The following ZCCHC7 variants were observed in gnomAD, a reference collection of about 807,000 sequenced individuals.
ZCCHC7 encodes zinc finger CCHC domain-containing protein 7.
In ZCCHC7, 35 loss-of-function variants were observed where a neutral mutation model predicts 52.0. That is an observed-to-expected ratio of 0.67 (90% confidence interval 0.51 to 0.89). The LOEUF (loss-of-function observed/expected upper bound fraction) is 0.89. ZCCHC7 is among the 40% of genes least tolerant of loss of function. ZCCHC7 has a pLI of 0.00. For synonymous variants in ZCCHC7, 217 were observed against 221.5 expected (o/e 0.98, Z 0.18); for missense variants, 574 against 649.1 (o/e 0.88, Z 1.26).
intron 2 of ZCCHC7, among the ~76,000 whole-genome samples, chr9:37,289,349 C>T (rs919123832): frequency 4.6e-5 from 7 of 151,984 alleles, no homozygotes; most frequent in African/African-American, 1.7e-4. Context: ...CAGTGTTTCA[C>T]CATGTTGGCC....
chr9:37,124,920 C>T, intron 1 of ZCCHC7, among the ~76,000 whole-genome samples: 1 of 152,194 alleles, frequency 6.6e-6, no homozygotes, highest in Middle Eastern at 3.4e-3. Flanking sequence ...GGCATGATCT[C>T]GACTCACTGC....
chr9:37,305,739 T>A lies in ZCCHC7; in HGVS notation c.951+25T>A, dbSNP rs186743678. The stretch of plus-strand genomic sequence containing the variant: ...TGTGAGTATCCTGCATATAACTAAT[T>A]TGTCAGGCTTTGGAGGGAGTGTGCA... On this transcript the variant is annotated intron_variant, in intron 5 of 8. Coordinates refer to ENST00000336755, the MANE Select transcript of ZCCHC7 (RefSeq NM_032226.3). 24 of 1,608,896 alleles carry A rather than the reference T, an allele frequency of 1.5e-5. 1 individual carries two copies. The African/African-American group carries it at 2.3e-4, about 15-fold the overall frequency.
At chr9:37,295,979 C>T (rs1273842320) in intron 2 of ZCCHC7, among the ~76,000 whole-genome samples, 3 of 152,104 alleles carry the variant, frequency 2.0e-5, no homozygotes, top group Non-Finnish European at 4.4e-5. Flanking sequence ...GTAAATGCCT[C>T]CTAGAGGTCA....
At chr9:37,144,172 C>G (rs927028145) in intron 2 of ZCCHC7, among the ~76,000 whole-genome samples, 1 of 151,502 alleles carries the variant, frequency 6.6e-6, no homozygotes, top group Non-Finnish European at 1.5e-5. Context: ...AAGAGTAAGG[C>G]CTAGCATTTT....
intron 2 of ZCCHC7, among the ~76,000 whole-genome samples, chr9:37,156,958 T>C (rs746711027): frequency 6.6e-6 from 1 of 152,104 alleles, no homozygotes; most frequent in Non-Finnish European, 1.5e-5. Context: ...TACAGTGTAG[T>C]GTTTCACAAA....
chr9:37,149,551 A>G (rs992896088), intron 2 of ZCCHC7, among the ~76,000 whole-genome samples: 1 of 152,150 alleles, frequency 6.6e-6, no homozygotes, highest in African/African-American at 2.4e-5. Context: ...ATTCCTAGGA[A>G]TTACTATTCT....
At chr9:37,154,657 T>G (rs188391812) in intron 2 of ZCCHC7, among the ~76,000 whole-genome samples, 3 of 131,886 alleles carry the variant, frequency 2.3e-5, no homozygotes, top group African/African-American at 8.5e-5. Context: ...GATTTTTCTG[T>G]TTTTTGTTTT....
chr9:37,221,520 C>T (rs961113138), intron 2 of ZCCHC7, among the ~76,000 whole-genome samples: 1 of 152,082 alleles, frequency 6.6e-6, no homozygotes, highest in Admixed American at 6.5e-5. Flanking sequence ...AAGTGTGGAA[C>T]ATTTTAAGGC....
At chr9:37,222,448 G>A (rs1238801448) in intron 2 of ZCCHC7, among the ~76,000 whole-genome samples, 1 of 150,888 alleles carries the variant, frequency 6.6e-6, no homozygotes, top group African/African-American at 2.4e-5. Flanking sequence ...GGATGGATTA[G>A]TTAGTAAGTG....
chr9:37,348,955 T>C (rs1252296057), intron 6 of ZCCHC7, among the ~76,000 whole-genome samples: 1 of 152,236 alleles, frequency 6.6e-6, no homozygotes, highest in Non-Finnish European at 1.5e-5. Context: ...TCTCTGACCC[T>C]TCTTTAACCC....
At chr9:37,261,952 T>C (rs574289664) in intron 2 of ZCCHC7, among the ~76,000 whole-genome samples, 2 of 152,288 alleles carry the variant, frequency 1.3e-5, no homozygotes, top group Non-Finnish European at 2.9e-5. Context: ...GGTGCTTAAA[T>C]TGTTTTATCC....
At chr9:37,251,393 A>G (rs777819166) in intron 2 of ZCCHC7, among the ~76,000 whole-genome samples, 3 of 152,142 alleles carry the variant, frequency 2.0e-5, no homozygotes, top group Admixed American at 6.5e-5. Flanking sequence ...TTGTATAGCT[A>G]TTTGTTGAAT....
intron 2 of ZCCHC7, among the ~76,000 whole-genome samples, chr9:37,195,655 T>C (rs569584360): frequency 5.3e-5 from 8 of 152,186 alleles, no homozygotes; most frequent in African/African-American, 1.4e-4. Flanking sequence ...ACCAGAAGAA[T>C]AGATAGGGAG....
rs139116297 is a variant in ZCCHC7 at position 37,239,688 on chromosome 9, C to T, written c.611-62500C>T. 1.7e-4 allele frequency among the ~76,000 whole-genome samples: 26 copies of T among 152,160 alleles called. No individual in the cohort carries two copies. In the East Asian group the frequency reaches 5.0e-3, roughly 29 times the overall value. On this transcript the variant is annotated intron_variant, in intron 2 of 8. Coordinates refer to ENST00000336755, the MANE Select transcript of ZCCHC7 (RefSeq NM_032226.3). ...CTGTTGAAAAAGTGATGATTCATCA[C>T]AGGATAGTTAGAAATAATTGGCCTG...
At chr9:37,179,130 G>A (rs949653810) in intron 2 of ZCCHC7, among the ~76,000 whole-genome samples, 1 of 152,156 alleles carries the variant, frequency 6.6e-6, no homozygotes, top group Non-Finnish European at 1.5e-5. Flanking sequence ...CATAACCCAT[G>A]TAAATTTTCA....
intron 5 of ZCCHC7, among the ~76,000 whole-genome samples, chr9:37,307,488 G>A (rs1829382596): frequency 3.3e-5 from 5 of 151,836 alleles, no homozygotes; most frequent in Admixed American, 3.3e-4. Flanking sequence ...TTATGAAAGG[G>A]GTGTCTCTCA....
intron 2 of ZCCHC7, among the ~76,000 whole-genome samples, chr9:37,147,998 T>C (rs991925532): frequency 1.3e-5 from 2 of 152,062 alleles, no homozygotes; most frequent in Non-Finnish European, 2.9e-5. Flanking sequence ...CTGTCAGTAA[T>C]TGTTTTTTCA....
intron 2 of ZCCHC7, among the ~76,000 whole-genome samples, chr9:37,240,325 A>G (rs1374919785): frequency 6.6e-6 from 1 of 151,988 alleles, no homozygotes; most frequent in African/African-American, 2.4e-5. Context: ...TTCTCAGAAT[A>G]TTAAATTTAT....
At chr9:37,217,279 C>T (rs1434998596) in intron 2 of ZCCHC7, among the ~76,000 whole-genome samples, 3 of 152,104 alleles carry the variant, frequency 2.0e-5, no homozygotes, top group Non-Finnish European at 1.5e-5. Flanking sequence ...GAAATTTCAG[C>T]AATTATTTGT....
Sources: allele counts gnomAD v4.1 joint callset (sites outside exome capture counted in the v4.1 genomes callset), GRCh38; gene constraint gnomAD v4.1.1; transcripts MANE v1.5; gene names NCBI Gene and HGNC (gene_info 2026-07-23, HGNC 2026-07-21).